Variants in CSMD1 observed in about 807,000 individuals in gnomAD.
CSMD1 encodes the protein CUB and Sushi multiple domains 1.
Under a neutral mutation model 417.5 loss-of-function variants are expected in CSMD1, and 213 were observed. The ratio of observed to expected loss-of-function variants is 0.51; its 90% CI spans 0.46 to 0.57. The LOEUF (loss-of-function observed/expected upper bound fraction) is 0.57, where lower values mean the gene tolerates loss of function less well. Among genes scored for constraint, CSMD1 ranks in the 20% least tolerant of loss-of-function variants. The pLI is 0.00. For synonymous variants in CSMD1, 2,862 were observed against 1,736.8 expected (o/e 1.65, Z -16.11); for missense variants, 6,923 against 4,529.7 (o/e 1.53, Z -15.17).
At chr8:4,699,117 A>T (rs1050551095) in intron 1 of CSMD1, among the ~76,000 whole-genome samples, 1 of 152,104 alleles carries the variant, frequency 6.6e-6, no homozygotes, top group African/African-American at 2.4e-5. Context: ...CTCATTACTC[A>T]ATCATTTACT....
At chr8:4,457,897 G>A (rs1299292378) in intron 2 of CSMD1, among the ~76,000 whole-genome samples, 7 of 152,076 alleles carry the variant, frequency 4.6e-5, no homozygotes, top group East Asian at 1.9e-4. Context: ...CGTAGTGAAC[G>A]TCTCCATTTT....
intron 27 of CSMD1, among the ~76,000 whole-genome samples, chr8:3,229,076 T>C (rs1798677800): frequency 2.0e-5 from 3 of 152,126 alleles, no homozygotes; most frequent in African/African-American, 7.2e-5. Context: ...TTGTCATAAG[T>C]AGGAGCGCCG....
At chr8:4,742,231 C>G (rs1448636685) in intron 1 of CSMD1, among the ~76,000 whole-genome samples, 1 of 150,888 alleles carries the variant, frequency 6.6e-6, no homozygotes, top group Non-Finnish European at 1.5e-5. Context: ...GGGGTTTCAC[C>G]TTGTTAGCCA....
intron 1 of CSMD1, among the ~76,000 whole-genome samples, chr8:4,661,961 G>C (rs1437367423): frequency 7.2e-5 from 11 of 152,084 alleles, no homozygotes. Flanking sequence ...TAGTTACAGA[G>C]TTATTACAAC....
chr8:4,626,581 A>G (rs1802130016), intron 2 of CSMD1, among the ~76,000 whole-genome samples: 1 of 152,044 alleles, frequency 6.6e-6, no homozygotes, highest in Non-Finnish European at 1.5e-5. Flanking sequence ...CAGGGCATGG[A>G]GCCAAGGAAA....
chr8:4,002,016 T>C (rs1815718370), intron 4 of CSMD1, among the ~76,000 whole-genome samples: 5 of 152,172 alleles, frequency 3.3e-5, no homozygotes. Flanking sequence ...ATGCAAGATA[T>C]ATTAGAATTG....
chr8:4,715,030 C>T (rs942661074), intron 1 of CSMD1, among the ~76,000 whole-genome samples: 1 of 152,120 alleles, frequency 6.6e-6, no homozygotes, highest in Non-Finnish European at 1.5e-5. Context: ...ACATTTCAAG[C>T]ATTTTTTTAT....
chr8:4,975,585 ACTAGAAACCCCATC>A (rs1182155866), intron 1 of CSMD1, among the ~76,000 whole-genome samples: 1 of 152,204 alleles, frequency 6.6e-6, no homozygotes, highest in Non-Finnish European at 1.5e-5. Context: ...TGGAGTTTGG[ACTAGAAACCCCATC>A]CTGTAGGCTC....
chr8:4,495,142 G>C (rs530281452), intron 2 of CSMD1, among the ~76,000 whole-genome samples: 1 of 152,248 alleles, frequency 6.6e-6, no homozygotes, highest in Non-Finnish European at 1.5e-5. Flanking sequence ...TTATAAACAA[G>C]TGAGGTAGGA....
chr8:4,722,009 T>A (rs1809089705), intron 1 of CSMD1, among the ~76,000 whole-genome samples: 1 of 152,094 alleles, frequency 6.6e-6, no homozygotes, highest in South Asian at 2.1e-4. Flanking sequence ...GTTATTGGAG[T>A]GGGCTGGCAT....
At chr8:4,402,821 CTT>C (rs1396591610) in intron 3 of CSMD1, among the ~76,000 whole-genome samples, 1 of 66,382 alleles carries the variant, frequency 1.5e-5, no homozygotes, top group African/African-American at 5.3e-5. Context: ...TTTTTTTTTT[CTT>C]TTTTTTTTTT....
At chr8:3,782,580 G>C (rs995376967) in intron 5 of CSMD1, among the ~76,000 whole-genome samples, 1 of 152,154 alleles carries the variant, frequency 6.6e-6, no homozygotes, top group African/African-American at 2.4e-5. Flanking sequence ...AACCAACATG[G>C]CACATGTAAT....
At chr8:3,978,130 C>A (rs763714541) in intron 5 of CSMD1, among the ~76,000 whole-genome samples, 1 of 152,148 alleles carries the variant, frequency 6.6e-6, no homozygotes, top group Non-Finnish European at 1.5e-5. Context: ...GAAAAGCAAG[C>A]CCTGCCCTCA....
At chr8:3,856,607 G>C (rs1038534583) in intron 5 of CSMD1, among the ~76,000 whole-genome samples, 13 of 152,162 alleles carry the variant, frequency 8.5e-5, no homozygotes, top group African/African-American at 3.1e-4. Flanking sequence ...ATATTTTATA[G>C]TCCTTTTCTA....
chr8:3,717,896 G>C (rs1034859397), intron 6 of CSMD1, among the ~76,000 whole-genome samples: 1 of 152,034 alleles, frequency 6.6e-6, no homozygotes, highest in Admixed American at 6.6e-5. Context: ...CAGTTTCCAA[G>C]AATAATTTGC....
chr8:3,138,134 G>A (rs1818216534), intron 41 of CSMD1, among the ~76,000 whole-genome samples: 1 of 152,220 alleles, frequency 6.6e-6, no homozygotes, highest in African/African-American at 2.4e-5. Flanking sequence ...GCTGAGGCAG[G>A]AGAATTGCTT....
intron 3 of CSMD1, among the ~76,000 whole-genome samples, chr8:4,289,104 A>T (rs139206055): frequency 0.012 from 1,846 of 152,308 alleles, 16 homozygotes; most frequent in Non-Finnish European, 0.019. Context: ...ACAGCAAAAG[A>T]AAAATTTTAC....
intron 1 of CSMD1, among the ~76,000 whole-genome samples, chr8:4,915,399 A>T (rs542399333): frequency 9.8e-5 from 15 of 152,336 alleles, no homozygotes; most frequent in Admixed American, 7.8e-4. Flanking sequence ...CGTATTTTAG[A>T]TAAGAAATTG....
At chr8:3,706,214 C>T (rs1801160753) in intron 7 of CSMD1, among the ~76,000 whole-genome samples, 3 of 152,218 alleles carry the variant, frequency 2.0e-5, no homozygotes, top group Admixed American at 1.3e-4. Context: ...TTACACCCCT[C>T]TTGATTTATC....
Sources: gnomAD v4.1 joint callset for allele counts (sites outside exome capture counted in the v4.1 genomes callset) on GRCh38, gnomAD v4.1.1 for gene constraint, MANE v1.5 for transcripts, NCBI Gene and HGNC (gene_info 2026-07-23, HGNC 2026-07-21) for gene names.